MTA3: variants seen among roughly 807,000 people sequenced by gnomAD.
MTA3 encodes metastasis-associated protein MTA3.
Under a neutral mutation model 83.5 loss-of-function variants are expected in MTA3, and 34 were observed. The ratio of observed to expected loss-of-function variants is 0.41; its 90% confidence interval spans 0.31 to 0.54. The LOEUF (loss-of-function observed/expected upper bound fraction) is 0.54, where lower values mean the gene tolerates loss of function less well. Among genes scored for constraint, MTA3 ranks in the 20% least tolerant of loss-of-function variants. MTA3 has a pLI of 0.33. For missense variants in MTA3, 761 were observed against 726.4 expected (o/e 1.05, Z -0.55); for synonymous variants, 303 against 252.7 (o/e 1.20, Z -1.89).
At chr2:42,562,956 T>G (rs972097464) in intron 2 of MTA3, among the ~76,000 whole-genome samples, 6 of 152,156 alleles carry the variant, frequency 3.9e-5, no homozygotes, top group Non-Finnish European at 8.8e-5. Flanking sequence ...TGATCTCTAC[T>G]TACAGCTCCC....
chr2:42,679,332 A>AG (rs1691659803), intron 8 of MTA3, among the ~76,000 whole-genome samples: 1 of 152,156 alleles, frequency 6.6e-6, no homozygotes, highest in Non-Finnish European at 1.5e-5. Context: ...TGCTCAACTA[A>AG]GGCGGGGAAT....
chr2:42,713,878 T>C (rs1046971999), intron 14 of MTA3, among the ~76,000 whole-genome samples: 1 of 152,218 alleles, frequency 6.6e-6, no homozygotes, highest in Non-Finnish European at 1.5e-5. Context: ...CAAATATCCT[T>C]ATGCAGATAT....
At chr2:42,606,425 C>T (rs368451888) in intron 3 of MTA3, among the ~76,000 whole-genome samples, 1 of 148,990 alleles carries the variant, frequency 6.7e-6, no homozygotes, top group Non-Finnish European at 1.5e-5. Context: ...CCAGACGGGG[C>T]GGCGGGGCAG....
chr2:42,514,512 T>TA (rs1675045241), intron 2 of MTA3, among the ~76,000 whole-genome samples: 1 of 151,692 alleles, frequency 6.6e-6, no homozygotes, highest in Non-Finnish European at 1.5e-5. Flanking sequence ...GCCTCCTGAG[T>TA]GGCTGGGATT....
chr2:42,694,236 G>A (rs569193201), intron 9 of MTA3, among the ~76,000 whole-genome samples: 1 of 151,562 alleles, frequency 6.6e-6, no homozygotes, highest in East Asian at 2.0e-4. Flanking sequence ...GAGGGGTGGT[G>A]CAATCACTCC....
At chr2:42,683,698 C>T (rs558201119) in intron 9 of MTA3, among the ~76,000 whole-genome samples, 7 of 151,974 alleles carry the variant, frequency 4.6e-5, no homozygotes, top group Non-Finnish European at 7.4e-5. Context: ...CTAGATCCCT[C>T]GCATGCACAG....
At chr2:42,687,261 A>T (rs976023475) in intron 9 of MTA3, among the ~76,000 whole-genome samples, 16 of 152,280 alleles carry the variant, frequency 1.1e-4, no homozygotes, top group Middle Eastern at 3.4e-3. Context: ...CTCCATCCCT[A>T]TAGTTTTGCC....
intron 8 of MTA3, among the ~76,000 whole-genome samples, chr2:42,665,430 A>C (rs1272982406): frequency 1.3e-5 from 2 of 152,144 alleles, no homozygotes; most frequent in East Asian, 3.9e-4. Context: ...TACAGTACTT[A>C]CATTGATCCT....
chr2:42,534,765 C>T (rs2103730977), intron 2 of MTA3, among the ~76,000 whole-genome samples: 1 of 152,178 alleles, frequency 6.6e-6, no homozygotes, highest in Non-Finnish European at 1.5e-5. Context: ...CTATTATATG[C>T]CACTGAACCT....
Position 42,753,797 on chromosome 2 carries a change from T to TA in MTA3, c.*399dup. The TA allele has an allele frequency of 9.5e-7, 1 of 1,054,536 alleles. No homozygotes were observed. The highest frequency in any genetic ancestry group is 3.2e-5 in the South Asian group (1 of 30,818). The allele number at this position is 1,054,536 out of a possible 1,614,324, so 65.3% of individuals were successfully genotyped here. A position where few individuals can be genotyped will look rare whatever the true frequency, so the allele number is the denominator to read the frequency against. ...TGCATGTGTCCGCTCAGCTCGGTCT[T>TA]ATGCTGTATAGTTACTAAATATGTA... On this transcript the variant is annotated 3_prime_UTR_variant, in exon 17 of 17. Transcript: ENST00000405094.
intron 12 of MTA3, 33 bp downstream of exon 12, chr2:42,704,351 G>A (rs200444050): frequency 6.1e-5 from 99 of 1,611,758 alleles, no homozygotes; most frequent in South Asian, 1.1e-4. Context: ...GTTAAGCATC[G>A]GGAACTGTTC....
chr2:42,539,391 G>A (rs1207453042), intron 2 of MTA3, among the ~76,000 whole-genome samples: 1 of 151,918 alleles, frequency 6.6e-6, no homozygotes, highest in African/African-American at 2.4e-5. Context: ...AGCAAAGGGG[G>A]AAGCCCCTTA....
At chr2:42,614,474 C>G (rs1429409548) in intron 4 of MTA3, among the ~76,000 whole-genome samples, 2 of 152,182 alleles carry the variant, frequency 1.3e-5, no homozygotes, top group Admixed American at 1.3e-4. Context: ...TTTCATTGTG[C>G]ATTCATTCAT....
chr2:42,497,604 A>G (rs929769350), intron 2 of MTA3, among the ~76,000 whole-genome samples: 4 of 151,170 alleles, frequency 2.6e-5, no homozygotes, highest in Non-Finnish European at 4.4e-5. Flanking sequence ...AAAAAAGTCC[A>G]GATTGTCTAT....
At chr2:42,656,770 C>T (rs1573500530) in intron 7 of MTA3, among the ~76,000 whole-genome samples, 1 of 152,128 alleles carries the variant, frequency 6.6e-6, no homozygotes, top group African/African-American at 2.4e-5. Flanking sequence ...TTCCTTCCTC[C>T]CCTTTTCTTA....
chr2:42,712,480 CCTCA>C (rs1666708733), intron 14 of MTA3, among the ~76,000 whole-genome samples: 1 of 151,650 alleles, frequency 6.6e-6, no homozygotes, highest in African/African-American at 2.4e-5. Context: ...AGAGATGGGG[CCTCA>C]CTATGAAAAA....
At chr2:42,692,921 T>G (rs1327208320) in intron 9 of MTA3, among the ~76,000 whole-genome samples, 3 of 152,228 alleles carry the variant, frequency 2.0e-5, no homozygotes, top group African/African-American at 7.2e-5. Flanking sequence ...GTGTCCGTCC[T>G]TCTTGAAAAG....
intron 2 of MTA3, among the ~76,000 whole-genome samples, chr2:42,507,266 A>C (rs926429074): frequency 7.9e-5 from 12 of 151,924 alleles, no homozygotes; most frequent in Admixed American, 6.6e-4. Flanking sequence ...TGACCTCCTA[A>C]GCTCAAGCAA....
intron 3 of MTA3, among the ~76,000 whole-genome samples, chr2:42,583,029 G>A (rs1206605510): frequency 6.6e-6 from 1 of 152,010 alleles, no homozygotes; most frequent in Non-Finnish European, 1.5e-5. Context: ...AAAATAGAGA[G>A]TAGAGAAATT....
Sources: gnomAD v4.1 joint callset for allele counts (sites outside exome capture counted in the v4.1 genomes callset) on GRCh38, gnomAD v4.1.1 for gene constraint, MANE v1.5 for transcripts, NCBI Gene and HGNC (gene_info 2026-07-23, HGNC 2026-07-21) for gene names.